NRXN3: variants seen among roughly 807,000 people sequenced by gnomAD.
The protein encoded by NRXN3 is neurexin 3, also known as neurexin III.
NRXN3 carries 32 observed loss-of-function variants against 137.6 expected under a neutral mutation model. The ratio of observed to expected loss-of-function variants is 0.23; its 90% CI spans 0.18 to 0.31. NRXN3 has a LOEUF of 0.31. NRXN3 is among the 10% of genes least tolerant of loss of function. The probability of loss-of-function intolerance (pLI) is 1.00; values close to 1 mark genes in which losing one functional copy is unlikely to be tolerated. For missense variants in NRXN3, 1,574 were observed against 2,062.5 expected, an observed-to-expected ratio of 0.76 and a Z score of 4.59; for synonymous variants, 798 against 784.5, an observed-to-expected ratio of 1.02 and a Z score of -0.29.
chr14:79,755,525 A>G (rs8005873), intron 19 of NRXN3, among the ~76,000 whole-genome samples: 80,430 of 151,062 alleles, frequency 0.53, 21,942 homozygotes, highest in Middle Eastern at 0.65. Context: ...AAGTAAAAAT[A>G]CCGAAGATTT....
At chr14:78,594,505 G>T (rs755380053) in intron 4 of NRXN3, among the ~76,000 whole-genome samples, 1 of 152,232 alleles carries the variant, frequency 6.6e-6, no homozygotes, top group African/African-American at 2.4e-5. Context: ...CATGGTGAGT[G>T]ATGGTCAATA....
chr14:79,192,408 G>A (rs1289697213), intron 15 of NRXN3, among the ~76,000 whole-genome samples: 2 of 152,178 alleles, frequency 1.3e-5, no homozygotes, highest in Non-Finnish European at 2.9e-5. Flanking sequence ...ATCAGGAGGT[G>A]TAGGTAATAT....
chr14:79,655,557 A>G lies in NRXN3; in HGVS notation c.3445-8221A>G, dbSNP rs113495879. 1.2e-3 allele frequency among the ~76,000 whole-genome samples: 185 copies of G among 152,336 alleles called. 1 individual carries two copies. The highest frequency in any genetic ancestry group is 4.3e-3 in the African/African-American group (178 of 41,586). ...GGAGAATACATTAGACTATGCATGT[A>G]AATGTGTGTAGAATGTTTTTCTTTT... On this transcript the variant is annotated intron_variant, in intron 16 of 20. Coordinates refer to ENST00000335750, the MANE Select transcript of NRXN3 (RefSeq NM_001330195.2).
chr14:78,421,367 C>T (rs7143565), intron 4 of NRXN3, among the ~76,000 whole-genome samples: 69,140 of 151,756 alleles, frequency 0.46, 16,162 homozygotes, highest in Middle Eastern at 0.6. Context: ...AATAAAATAG[C>T]GACCAGTTAA....
intron 4 of NRXN3, among the ~76,000 whole-genome samples, chr14:78,539,913 G>A (rs55998212): frequency 0.23 from 34,768 of 152,064 alleles, 4,257 homozygotes; most frequent in Middle Eastern, 0.32. Context: ...GTAGTTGAGT[G>A]GTTTTGAGTG....
chr14:79,375,637 C>A (rs2094251083), intron 15 of NRXN3, among the ~76,000 whole-genome samples: 1 of 152,004 alleles, frequency 6.6e-6, no homozygotes, highest in Admixed American at 6.6e-5. Context: ...CTGGCTTGCC[C>A]TGGAGAAAAA....
intron 15 of NRXN3, among the ~76,000 whole-genome samples, chr14:79,336,236 C>T (rs1310701562): frequency 6.6e-6 from 1 of 152,108 alleles, no homozygotes; most frequent in Non-Finnish European, 1.5e-5. Context: ...TATTTCCCCC[C>T]ATTCTTACAA....
chr14:78,523,667 A>C (rs1231548415), intron 4 of NRXN3, among the ~76,000 whole-genome samples: 1 of 121,826 alleles, frequency 8.2e-6, no homozygotes, highest in East Asian at 2.6e-4. Context: ...AAAAAAAAAA[A>C]TTAGCTGGGC....
intron 4 of NRXN3, among the ~76,000 whole-genome samples, chr14:78,629,758 T>C (rs2097502696): frequency 6.6e-6 from 1 of 152,230 alleles, no homozygotes; most frequent in Non-Finnish European, 1.5e-5. Flanking sequence ...CTATGGAATC[T>C]CAAAGACTCT....
chr14:79,562,616 A>G (rs997284487), intron 16 of NRXN3, among the ~76,000 whole-genome samples: 7 of 152,188 alleles, frequency 4.6e-5, no homozygotes, highest in Non-Finnish European at 1.0e-4. Context: ...CTAATTACCA[A>G]TGATAAAAGT....
intron 19 of NRXN3, among the ~76,000 whole-genome samples, chr14:79,701,080 C>T (rs549447868): frequency 3.0e-4 from 46 of 152,128 alleles, no homozygotes; most frequent in African/African-American, 1.1e-3. Flanking sequence ...GGTAGCATAG[C>T]TTGAGGAAAG....
intron 1 of NRXN3, among the ~76,000 whole-genome samples, chr14:78,208,105 T>C (rs1224044779): frequency 6.6e-6 from 1 of 152,220 alleles, no homozygotes; most frequent in East Asian, 1.9e-4. Context: ...AAATGGGCGA[T>C]AATATTAATA....
rs1169628975 is a variant in NRXN3, at chr14:78,795,888, CA to C, written c.2045-7731del. 2.0e-5 allele frequency among the ~76,000 whole-genome samples: 3 copies of C among 152,142 alleles called. No homozygotes were observed. The East Asian group carries it at 5.8e-4, about 29-fold the overall frequency. On this transcript the variant is annotated intron_variant, in intron 8 of 20. Transcript: ENST00000335750. Reference sequence around the variant, plus strand: ...TTTATTCAAGACATCTATTAAATACCAGTTAGAAAAATGAGAGGTGTGATAT... The same window carrying C: ...TTTATTCAAGACATCTATTAAATACCGTTAGAAAAATGAGAGGTGTGATAT...
At chr14:78,426,572 A>G (rs1261450779) in intron 4 of NRXN3, among the ~76,000 whole-genome samples, 1 of 152,180 alleles carries the variant, frequency 6.6e-6, no homozygotes, top group South Asian at 2.1e-4. Context: ...GGTGTTTTTT[A>G]TGGCAGTCTT....
intron 4 of NRXN3, among the ~76,000 whole-genome samples, chr14:78,417,462 C>A (rs1033540868): frequency 6.6e-6 from 1 of 152,090 alleles, no homozygotes; most frequent in Non-Finnish European, 1.5e-5. Flanking sequence ...TGAGTCTCTC[C>A]CCTCATCATT....
intron 10 of NRXN3, among the ~76,000 whole-genome samples, chr14:78,942,147 A>G (rs1477786197): frequency 1.3e-5 from 2 of 152,202 alleles, no homozygotes; most frequent in East Asian, 3.9e-4. Context: ...GAGTTACCCT[A>G]ACAGAATATA....
intron 4 of NRXN3, among the ~76,000 whole-genome samples, chr14:78,582,397 T>C (rs1340310886): frequency 6.6e-6 from 1 of 152,244 alleles, no homozygotes; most frequent in African/African-American, 2.4e-5. Context: ...TTCTAAATTG[T>C]TATTATGAAG....
Position 78,630,926 on chromosome 14 carries a change from A to C in NRXN3, c.758-14194A>C, listed in dbSNP as rs151091120. 5.4e-3 allele frequency among the ~76,000 whole-genome samples: 818 copies of C among 152,316 alleles called. 10 individuals carry two copies. Among genetic ancestry groups the C allele is most frequent in the African/African-American group, 0.019 (774 of 41,572 alleles). Reference sequence around the variant, plus strand: ...GGCCATTTTTCTAAATGTATTATAGATTGATGAAAACTTTCCCTTAGACCA... The same window carrying C: ...GGCCATTTTTCTAAATGTATTATAGCTTGATGAAAACTTTCCCTTAGACCA... On this transcript the variant is annotated intron_variant, in intron 4 of 20. Coordinates refer to ENST00000335750, the MANE Select transcript of NRXN3 (RefSeq NM_001330195.2).
intron 15 of NRXN3, among the ~76,000 whole-genome samples, chr14:79,173,565 G>T (rs1345342544): frequency 1.4e-5 from 2 of 139,320 alleles, no homozygotes; most frequent in Non-Finnish European, 3.1e-5. Context: ...TACAATAAAA[G>T]ATATCATTGC....
Sources: gnomAD v4.1 joint callset for allele counts (sites outside exome capture counted in the v4.1 genomes callset) on GRCh38, gnomAD v4.1.1 for gene constraint, MANE v1.5 for transcripts, NCBI Gene and HGNC (gene_info 2026-07-23, HGNC 2026-07-21) for gene names.